The following ZNF84 variants were observed in gnomAD, a reference collection of about 807,000 sequenced individuals.
The protein encoded by ZNF84 is zinc finger protein HPF2.
ZNF84 carries 12 observed loss-of-function variants against 14.8 expected under a neutral mutation model. The observed-to-expected ratio is 0.81, with a 90% CI of 0.52 to 1.31. ZNF84 has a LOEUF of 1.31. Ranked by LOEUF, ZNF84 falls within the 50% of genes most tolerant of loss-of-function variation. ZNF84 has a pLI of 0.00. For missense variants in ZNF84, 859 were observed against 878.6 expected (o/e 0.98, Z 0.28); for synonymous variants, 347 against 291.1 (o/e 1.19, Z -1.96).
chr12:133,044,010 C>A (rs1953934512), intron 2 of ZNF84, among the ~76,000 whole-genome samples: 1 of 151,694 alleles, frequency 6.6e-6, no homozygotes, highest in Non-Finnish European at 1.5e-5. Context: ...GATCCACCCG[C>A]CTCGGCCTCC....
In ZNF84 at chr12:133,059,089, T is replaced by C. The variant is rs1954213943; in HGVS notation, c.*157T>C. ...TGTATGGAAAGCCGATCATAATTCA[T>C]AGAGTAGAGTGAACCTATGACTGCA... On this transcript the variant is annotated 3_prime_UTR_variant, in exon 5 of 5. Coordinates refer to ENST00000539354, the MANE Select transcript of ZNF84 (RefSeq NM_001289971.2). The C allele has an allele frequency of 4.1e-6, 3 of 734,330 alleles. No individual in the cohort carries two copies. Among genetic ancestry groups the C allele is most frequent in the Admixed American group, 3.0e-5 (1 of 33,018 alleles). 45.5% of individuals were successfully genotyped at this position (734,330 alleles called of 1,614,324 possible). A position where few individuals can be genotyped will look rare whatever the true frequency, so the allele number is the denominator to read the frequency against.
At chr12:133,041,138 T>C (rs1180006176) in intron 1 of ZNF84, 140 bp from the exon 2 acceptor site, 4 of 338,294 alleles carry the variant, frequency 1.2e-5, no homozygotes, top group Non-Finnish European at 2.1e-5. Flanking sequence ...CTATATTCTG[T>C]TTCCCTGAGA....
intron 4 of ZNF84, among the ~76,000 whole-genome samples, chr12:133,049,170 G>A (rs920379835): frequency 9.9e-5 from 15 of 152,268 alleles, no homozygotes; most frequent in Admixed American, 8.5e-4. Flanking sequence ...TGGCCATGAC[G>A]TTATTCTCTG....
intron 4 of ZNF84, among the ~76,000 whole-genome samples, chr12:133,056,500 G>A (rs1954161062): frequency 6.6e-6 from 1 of 152,056 alleles, no homozygotes; most frequent in Admixed American, 6.5e-5. Flanking sequence ...TGATCTGCCT[G>A]CCTCGGCCTC....
chr12:133,042,945 C>T (rs1176115895), intron 2 of ZNF84, among the ~76,000 whole-genome samples: 1 of 152,204 alleles, frequency 6.6e-6, no homozygotes, highest in African/African-American at 2.4e-5. Context: ...ACCTCTTCCT[C>T]CTGACAGAGG....
chr12:133,044,926 A>G (rs1479897225), intron 2 of ZNF84, among the ~76,000 whole-genome samples: 3 of 151,918 alleles, frequency 2.0e-5, no homozygotes, highest in African/African-American at 7.2e-5. Context: ...AAAAAAAAAG[A>G]ATATAGCTAT....
At position 133,058,770 on chromosome 12, in the gene ZNF84, C is replaced by T; in HGVS notation, c.2055C>T (p.Cys685=). 6.2e-7 allele frequency: 1 copy of T among 1,613,986 alleles called. No homozygotes were observed. The highest frequency in any genetic ancestry group is 1.1e-5 in the South Asian group (1 of 91,082). The stretch of plus-strand genomic sequence containing the variant: ...ATACGGGTGAGAAACCCTATGGATG[C>T]AGTGAATGTAGGAAGGCCTTCTCTC... ...RTHTGEKPYG[C]SECRKAFSQK... Residue 685 remains cysteine, a synonymous_variant, in exon 5 of 5, where the codon TGC becomes TGT. Transcript: ENST00000539354.
intron 2 of ZNF84, among the ~76,000 whole-genome samples, chr12:133,043,568 A>G (rs1953923607): frequency 6.6e-6 from 1 of 152,186 alleles, no homozygotes; most frequent in Admixed American, 6.5e-5. Context: ...CAGCTAGAAC[A>G]CTGCTTTCCA....
At position 133,062,103 on chromosome 12, in the gene ZNF84, T is replaced by C. The variant is rs1404675522; in HGVS notation, c.*3171T>C. The C allele has an allele frequency of 1.3e-5, 2 of 152,348 alleles. No individual in the cohort carries two copies. Among genetic ancestry groups the C allele is most frequent in the Non-Finnish European group, 2.9e-5 (2 of 68,030 alleles). The allele number at this position is 152,348 out of a possible 1,614,324, so 9.4% of individuals were successfully genotyped here. A position where few individuals can be genotyped will look rare whatever the true frequency, so the allele number is the denominator to read the frequency against. The stretch of plus-strand genomic sequence containing the variant: ...AGGAGGCCAAATACAGGAAGCATCA[T>C]CTTTTCTTATTCTCTTACTGCCTGG... On this transcript the variant is annotated 3_prime_UTR_variant, in exon 5 of 5. Transcript: ENST00000539354.
At chr12:133,050,564 TTTC>T in intron 4 of ZNF84, 1 of 398,676 alleles carries the variant, frequency 2.5e-6, no homozygotes, top group Admixed American at 4.4e-5. Flanking sequence ...TGTTCAGTTA[TTTC>T]TTCCTATCTC....
chr12:133,043,662 A>C (rs1953925849), intron 2 of ZNF84, among the ~76,000 whole-genome samples: 3 of 152,202 alleles, frequency 2.0e-5, no homozygotes, highest in African/African-American at 7.2e-5. Context: ...ATGGTATCTG[A>C]AATTTTGTTA....
rs1954217237 is a variant in ZNF84 at position 133,059,280 on chromosome 12, TGAG to T, written c.*350_*352del. The T allele has an allele frequency of 1.1e-5, 4 of 369,670 alleles. No homozygotes were observed. Among genetic ancestry groups the T allele is most frequent in the Non-Finnish European group, 1.9e-5 (4 of 207,354 alleles). The allele number at this position is 369,670 out of a possible 1,614,324, so 22.9% of individuals were successfully genotyped here. A position where few individuals can be genotyped will look rare whatever the true frequency, so the allele number is the denominator to read the frequency against. The stretch of plus-strand genomic sequence containing the variant: ...GGGAAAACCCCATGAATGCGGGAAA[TGAG>T]GCAATATTTTTAAGAAATGACAGTT... On this transcript the variant is annotated 3_prime_UTR_variant, in exon 5 of 5. Coordinates refer to ENST00000539354, the MANE Select transcript of ZNF84 (RefSeq NM_001289971.2).
chr12:133,058,433 G>A lies in ZNF84; in HGVS notation c.1718G>A (p.Cys573Tyr). Residue 573 changes from cysteine to tyrosine, a missense_variant, in exon 5 of 5, where the codon TGC (cysteine) becomes TAC (tyrosine). By Grantham distance (194) the Cys-to-Tyr change is radical. Coordinates refer to ENST00000539354, the MANE Select transcript of ZNF84 (RefSeq NM_001289971.2). ...CATACTGGAGAAAAACCGTATGAATGCAGGGACTGTGAAAAAGCTTTCTCC... is the reference window on the plus strand; with the variant it reads ...CATACTGGAGAAAAACCGTATGAATACAGGGACTGTGAAAAAGCTTTCTCC... ...RTHTGEKPYE[C>Y]RDCEKAFSQK... The A allele has an allele frequency of 6.2e-7, 1 of 1,614,088 alleles. No individual in the cohort carries two copies. Among genetic ancestry groups the A allele is most frequent in the Non-Finnish European group, 8.5e-7 (1 of 1,180,016 alleles).
chr12:133,057,301 A>T lies in ZNF84; in HGVS notation c.586A>T (p.Ile196Leu). Residue 196 changes from isoleucine to leucine, a missense_variant, in exon 5 of 5, where the codon ATA becomes TTA. Coordinates refer to ENST00000539354, the MANE Select transcript of ZNF84 (RefSeq NM_001289971.2). ...KESYKKSQII[I>L]YHRNRLGEKL... ...GAGCTATAAAAAGTCACAGATTATC[A>T]TATATCATAGAAATCGTTTAGGGGA... The T allele has an allele frequency of 6.2e-7, 1 of 1,613,444 alleles. No individual in the cohort carries two copies. The highest frequency in any genetic ancestry group is 2.2e-5 in the East Asian group (1 of 44,888).
rs1954229561 is a variant in ZNF84, at chr12:133,059,934, CAG to C, written c.*1005_*1006del. Reference sequence around the variant, plus strand: ...ACATTGTGTAAGTCTTCTGCATCCTCAGAGTCTGAGTAACAGTTTATATAAAA... The same window carrying C: ...ACATTGTGTAAGTCTTCTGCATCCTCAGTCTGAGTAACAGTTTATATAAAA... On this transcript the variant is annotated 3_prime_UTR_variant, in exon 5 of 5. Coordinates refer to ENST00000539354, the MANE Select transcript of ZNF84 (RefSeq NM_001289971.2). 1.3e-5 allele frequency: 2 copies of C among 152,306 alleles called. No homozygotes were observed. The highest frequency in any genetic ancestry group is 3.9e-4 in the East Asian group (2 of 5,192). The allele number at this position is 152,306 out of a possible 1,614,324, so 9.4% of individuals were successfully genotyped here. A position where few individuals can be genotyped will look rare whatever the true frequency, so the allele number is the denominator to read the frequency against.
intron 2 of ZNF84, among the ~76,000 whole-genome samples, chr12:133,043,313 C>T (rs1056547819): frequency 5.3e-5 from 8 of 152,034 alleles, no homozygotes; most frequent in Admixed American, 4.6e-4. Context: ...TACAGGCGCA[C>T]GCTCCCACGC....
rs1181048917 is a variant in ZNF84, at chr12:133,059,613, A to C, written c.*681A>C. On this transcript the variant is annotated 3_prime_UTR_variant, in exon 5 of 5. Transcript: ENST00000539354. ...TATTGAAACATCTAAGACATTTCTT[A>C]GTGGTATTTGTGGCTTATCTTCTAG... is the stretch of plus-strand genomic sequence containing the variant. 6.6e-6 allele frequency: 1 copy of C among 152,250 alleles called. No individual in the cohort carries two copies. Among genetic ancestry groups the C allele is most frequent in the Non-Finnish European group, 1.5e-5 (1 of 68,040 alleles). The allele number at this position is 152,250 out of a possible 1,614,324, so 9.4% of individuals were successfully genotyped here.
At position 133,057,516 on chromosome 12, in the gene ZNF84, G is replaced by C. The variant is rs1272751405; in HGVS notation, c.801G>C (p.Gln267His). Residue 267 changes from glutamine to histidine, a missense_variant, in exon 5 of 5, where the codon CAG becomes CAC. Coordinates refer to ENST00000539354, the MANE Select transcript of ZNF84 (RefSeq NM_001289971.2). The part of the protein sequence containing the change: ...HTGEKPYNCS[Q>H]CGKAFSQKSQ... ...GAGAAAAACCTTATAATTGTAGCCAGTGTGGGAAAGCCTTCTCCCAAAAGT... is the reference window on the plus strand; with the variant it reads ...GAGAAAAACCTTATAATTGTAGCCACTGTGGGAAAGCCTTCTCCCAAAAGT... 1.9e-6 allele frequency: 3 copies of C among 1,614,010 alleles called. No individual in the cohort carries two copies. The highest frequency in any genetic ancestry group is 2.5e-6 in the Non-Finnish European group (3 of 1,180,036).
intron 1 of ZNF84, among the ~76,000 whole-genome samples, chr12:133,039,491 G>C (rs1024508280): frequency 1.3e-5 from 2 of 152,202 alleles, no homozygotes; most frequent in Non-Finnish European, 2.9e-5. Flanking sequence ...TACTAAATGT[G>C]CAATCACAGG....
Sources: gnomAD v4.1 joint callset for allele counts (sites outside exome capture counted in the v4.1 genomes callset) on GRCh38, gnomAD v4.1.1 for gene constraint, MANE v1.5 for transcripts, NCBI Gene and HGNC (gene_info 2026-07-23, HGNC 2026-07-21) for gene names.